The following DNAJC3 variants were observed in gnomAD, a reference collection of about 807,000 sequenced individuals.
DNAJC3 encodes the protein dnaJ homolog subfamily C member 3.
A neutral mutation model predicts 68.6 loss-of-function variants in DNAJC3; 38 were observed. The ratio of observed to expected loss-of-function variants is 0.55; its 90% CI spans 0.43 to 0.73. The LOEUF is 0.73. DNAJC3 is among the 30% of genes least tolerant of loss of function. The probability of loss-of-function intolerance (pLI) is 0.00; values close to 1 mark genes in which losing one functional copy is unlikely to be tolerated. For synonymous variants in DNAJC3, 203 were observed against 204.0 expected, an observed-to-expected ratio of 1.00 and a Z score of 0.04; for missense variants, 526 against 591.9, an observed-to-expected ratio of 0.89 and a Z score of 1.16.
At position 95,750,262 on chromosome 13, in the gene DNAJC3, CAAAA is replaced by C. The variant is rs1204619522; in HGVS notation, c.394-7363_394-7360del. ...CTGGTGACAGTGCAAGACCCTGTCT[CAAAA>C]AAAAAAAAAAAAAAAAAACCCAGAA... On this transcript the variant is annotated intron_variant, in intron 4 of 11. Coordinates refer to ENST00000602402, the MANE Select transcript of DNAJC3 (RefSeq NM_006260.5). 2.0e-3 allele frequency among the ~76,000 whole-genome samples: 130 copies of C among 65,700 alleles called. 2 individuals carry two copies. Among genetic ancestry groups the C allele is most frequent in the Non-Finnish European group, 7.2e-4 (22 of 30,468 alleles). 43.1% of individuals were successfully genotyped at this position (65,700 alleles called of 152,430 possible).
chr13:95,747,183 G>A (rs1481599996), intron 4 of DNAJC3, among the ~76,000 whole-genome samples: 1 of 152,160 alleles, frequency 6.6e-6, no homozygotes. Flanking sequence ...GTGAGCATTT[G>A]AGTGCATGTT....
intron 2 of DNAJC3, among the ~76,000 whole-genome samples, chr13:95,722,032 T>G (rs1346744900): frequency 6.6e-6 from 1 of 152,240 alleles, no homozygotes; most frequent in Non-Finnish European, 1.5e-5. Context: ...TTTAAAAGAT[T>G]GATGGCTGGC....
chr13:95,785,941 A>G lies in DNAJC3; in HGVS notation c.1078A>G (p.Ile360Val). Residue 360 changes from isoleucine to valine, a missense_variant and splice_region_variant, in exon 10 of 12, where the codon ATT becomes GTT. Transcript: ENST00000602402. ...YLIEEMYDEA[I>V]QDYETAQEHN... Reference sequence around the variant, plus strand: ...TTATCTTAAACATATTTTGACAGCTATTCAGGATTATGAAACTGCTCAGGA... The same window carrying G: ...TTATCTTAAACATATTTTGACAGCTGTTCAGGATTATGAAACTGCTCAGGA... 1 of 1,590,572 alleles carries G rather than the reference A, an allele frequency of 6.3e-7. No individual in the cohort carries two copies. The highest frequency in any genetic ancestry group is 8.5e-7 in the Non-Finnish European group (1 of 1,172,464).
chr13:95,760,510 G>A (rs1349076348), intron 6 of DNAJC3, among the ~76,000 whole-genome samples, 169 bp from the exon 7 acceptor site: 1 of 152,154 alleles, frequency 6.6e-6, no homozygotes, highest in Non-Finnish European at 1.5e-5. Context: ...ATTAACAAAT[G>A]TATGCATGGT....
intron 9 of DNAJC3, among the ~76,000 whole-genome samples, chr13:95,774,564 A>G (rs781614675): frequency 7.9e-5 from 12 of 152,206 alleles, no homozygotes; most frequent in Non-Finnish European, 1.2e-4. Flanking sequence ...GAGAGTTGTT[A>G]AGATCTTTGA....
chr13:95,721,456 A>G (rs1033336361), intron 2 of DNAJC3, among the ~76,000 whole-genome samples: 1 of 152,156 alleles, frequency 6.6e-6, no homozygotes, highest in African/African-American at 2.4e-5. Context: ...CCCACATTGT[A>G]ATTTTACATT....
intron 1 of DNAJC3, among the ~76,000 whole-genome samples, chr13:95,690,400 C>A (rs1180137322): frequency 6.6e-6 from 1 of 151,100 alleles, no homozygotes; most frequent in Non-Finnish European, 1.5e-5. Flanking sequence ...TACACAGACA[C>A]GGCAACCATC....
intron 4 of DNAJC3, chr13:95,742,827 G>A (rs760853859): frequency 5.2e-5 from 27 of 518,832 alleles, no homozygotes; most frequent in South Asian, 2.0e-4. Context: ...TGGACTGTGC[G>A]TTTGGTGTCA....
At chr13:95,742,631 T>G (rs1566494889) in intron 4 of DNAJC3, 1 of 511,356 alleles carries the variant, frequency 2.0e-6, no homozygotes, top group Admixed American at 2.0e-5. Flanking sequence ...TTCTTCTTCT[T>G]AGGTGTTTCC....
chr13:95,755,684 G>A (rs1298523137), intron 4 of DNAJC3, among the ~76,000 whole-genome samples: 2 of 143,282 alleles, frequency 1.4e-5, no homozygotes, highest in Admixed American at 1.5e-4. Flanking sequence ...ATGAACCCAG[G>A]AGACGGAGGT....
chr13:95,705,911 G>C (rs1023640102), intron 1 of DNAJC3, among the ~76,000 whole-genome samples: 1 of 152,006 alleles, frequency 6.6e-6, no homozygotes, highest in African/African-American at 2.4e-5. Flanking sequence ...GTGGCAATTT[G>C]GTGTGTAGGT....
At chr13:95,784,551 C>T (rs1485346728) in intron 9 of DNAJC3, among the ~76,000 whole-genome samples, 4 of 152,184 alleles carry the variant, frequency 2.6e-5, no homozygotes, top group Non-Finnish European at 4.4e-5. Flanking sequence ...GAACTAGTCA[C>T]TAGACACGTT....
At chr13:95,741,346 C>T (rs1312649005) in intron 4 of DNAJC3, among the ~76,000 whole-genome samples, 1 of 152,078 alleles carries the variant, frequency 6.6e-6, no homozygotes, top group East Asian at 1.9e-4. Context: ...TCAGTGGTAT[C>T]TGTGATTTCT....
chr13:95,777,098 T>G (rs1883313881), intron 9 of DNAJC3, among the ~76,000 whole-genome samples: 1 of 152,212 alleles, frequency 6.6e-6, no homozygotes, highest in Non-Finnish European at 1.5e-5. Flanking sequence ...CTAAGAGAAT[T>G]TTCCCTGCTT....
chr13:95,677,980 C>A (rs913667075), intron 1 of DNAJC3, among the ~76,000 whole-genome samples: 1 of 152,154 alleles, frequency 6.6e-6, no homozygotes, highest in Non-Finnish European at 1.5e-5. Context: ...TGGTGTCATT[C>A]AACGTATGGC....
chr13:95,739,364 T>C (rs1164544139), intron 4 of DNAJC3, among the ~76,000 whole-genome samples: 3 of 151,182 alleles, frequency 2.0e-5, no homozygotes, highest in Admixed American at 1.3e-4. Flanking sequence ...AATCTGAACG[T>C]TGGCCTGCCT....
At chr13:95,731,559 A>G (rs1881709128) in intron 4 of DNAJC3, among the ~76,000 whole-genome samples, 1 of 152,174 alleles carries the variant, frequency 6.6e-6, no homozygotes, top group Non-Finnish European at 1.5e-5. Context: ...AGATGATTGT[A>G]TGGTTTTTGC....
At chr13:95,748,381 T>C (rs1882372968) in intron 4 of DNAJC3, among the ~76,000 whole-genome samples, 1 of 152,010 alleles carries the variant, frequency 6.6e-6, no homozygotes, top group African/African-American at 2.4e-5. Context: ...AGTCTGTGGA[T>C]CTGTATCAAT....
chr13:95,702,693 C>G (rs762577052), intron 1 of DNAJC3, among the ~76,000 whole-genome samples: 14 of 152,204 alleles, frequency 9.2e-5, no homozygotes, highest in Non-Finnish European at 1.8e-4. Flanking sequence ...CTTGGACTTG[C>G]TAGCCTCTAG....
Sources: gnomAD v4.1 joint callset for allele counts (sites outside exome capture counted in the v4.1 genomes callset) on GRCh38, gnomAD v4.1.1 for gene constraint, MANE v1.5 for transcripts, NCBI Gene and HGNC (gene_info 2026-07-23, HGNC 2026-07-21) for gene names.